Variants in FOXN2 observed in about 807,000 individuals in gnomAD.
FOXN2 encodes forkhead box protein N2.
In FOXN2, 19 loss-of-function variants were observed where a neutral mutation model predicts 41.2. That is an observed-to-expected ratio of 0.46 (90% CI 0.32 to 0.68). The LOEUF is 0.68. Ranked by LOEUF, FOXN2 falls within the 30% of genes least tolerant of loss-of-function variation. FOXN2 has a pLI of 0.03. For missense variants in FOXN2, 587 were observed against 509.4 expected (o/e 1.15, Z -1.47); for synonymous variants, 195 against 176.8 (o/e 1.10, Z -0.82).
rs1034841924 is a variant in FOXN2, at chr2:48,314,823, C to G, written c.-157+9C>G. 1 of 152,098 alleles carries G rather than the reference C, an allele frequency of 6.6e-6. No individual in the cohort carries two copies. 9.4% of individuals were successfully genotyped at this position (152,098 alleles called of 1,614,324 possible). ...TCCCGGCCGAGCTGACGGTGAGTCCCGGGCGGAGCGGTCCCCTCCAGGGTC... is the reference window on the plus strand; with the variant it reads ...TCCCGGCCGAGCTGACGGTGAGTCCGGGGCGGAGCGGTCCCCTCCAGGGTC... On this transcript the variant is annotated intron_variant, in intron 1 of 6. Coordinates refer to ENST00000340553, the MANE Select transcript of FOXN2 (RefSeq NM_002158.4).
At chr2:48,342,439 A>G (rs867867743) in intron 2 of FOXN2, among the ~76,000 whole-genome samples, 2 of 152,170 alleles carry the variant, frequency 1.3e-5, no homozygotes, top group Admixed American at 6.5e-5. Flanking sequence ...CACAAAAGTG[A>G]CACATTTGGA....
At chr2:48,362,790 C>T (rs566934397) in intron 5 of FOXN2, 83 bp downstream of exon 5, 2 of 1,158,786 alleles carry the variant, frequency 1.7e-6, no homozygotes, top group Non-Finnish European at 2.5e-6. Flanking sequence ...TGGTGGTCCC[C>T]TAAGATTATA....
chr2:48,353,659 C>CT (rs1197744278), intron 3 of FOXN2, among the ~76,000 whole-genome samples: 12 of 150,378 alleles, frequency 8.0e-5, no homozygotes, highest in Middle Eastern at 6.9e-3. Context: ...AGCTCAGCAT[C>CT]TTTTTTCATC....
rs1673413668 is a variant in FOXN2 at position 48,378,963 on chromosome 2, T to C, written c.*3520T>C. 1 of 152,626 alleles carries C rather than the reference T, an allele frequency of 6.6e-6. No individual in the cohort carries two copies. Among genetic ancestry groups the C allele is most frequent in the Non-Finnish European group, 1.5e-5 (1 of 68,014 alleles). 9.5% of individuals were successfully genotyped at this position (152,626 alleles called of 1,614,324 possible). A position where few individuals can be genotyped will look rare whatever the true frequency, so the allele number is the denominator to read the frequency against. On this transcript the variant is annotated 3_prime_UTR_variant, in exon 7 of 7. Transcript: ENST00000340553. Reference sequence around the variant, plus strand: ...TCATATAGTGTATAAAAATGTATAATTGCCAATTGATTGTAACTATTATTT... The same window carrying C: ...TCATATAGTGTATAAAAATGTATAACTGCCAATTGATTGTAACTATTATTT...
Position 48,378,014 on chromosome 2 carries a change from T to G in FOXN2, c.*2571T>G, listed in dbSNP as rs994795050. 6.6e-5 allele frequency: 10 copies of G among 152,180 alleles called. No individual in the cohort carries two copies. Among genetic ancestry groups the G allele is most frequent in the Non-Finnish European group, 1.2e-4 (8 of 67,908 alleles). The allele number at this position is 152,180 out of a possible 1,614,324, so 9.4% of individuals were successfully genotyped here. A position where few individuals can be genotyped will look rare whatever the true frequency, so the allele number is the denominator to read the frequency against. On this transcript the variant is annotated 3_prime_UTR_variant, in exon 7 of 7. Coordinates refer to ENST00000340553, the MANE Select transcript of FOXN2 (RefSeq NM_002158.4). ...AGGAGGTTACATGTTTTCCAACATA[T>G]CCTAAAAACTGTGATATAAGCTAAC...
intron 4 of FOXN2, among the ~76,000 whole-genome samples, chr2:48,360,958 G>A (rs1466810660): frequency 6.7e-6 from 1 of 150,224 alleles, no homozygotes; most frequent in East Asian, 2.0e-4. Context: ...ATGTTGCAAT[G>A]AGCCAAGATG....
rs1673415443 is a variant in FOXN2 at position 48,378,982 on chromosome 2, ATTAT to A, written c.*3546_*3549del. On this transcript the variant is annotated 3_prime_UTR_variant, in exon 7 of 7. Transcript: ENST00000340553. Reference sequence around the variant, plus strand: ...GTATAATTGCCAATTGATTGTAACTATTATTTATTTTTAAATGAAAGTGTAAGAA... The same window carrying A: ...GTATAATTGCCAATTGATTGTAACTATTATTTTTAAATGAAAGTGTAAGAA... 1 of 152,668 alleles carries A rather than the reference ATTAT, an allele frequency of 6.6e-6. No individual in the cohort carries two copies. The highest frequency in any genetic ancestry group is 2.1e-4 in the South Asian group (1 of 4,826). 9.5% of individuals were successfully genotyped at this position (152,668 alleles called of 1,614,324 possible).
Position 48,377,905 on chromosome 2 carries a change from A to T in FOXN2, c.*2462A>T, listed in dbSNP as rs1381602081. The T allele has an allele frequency of 6.6e-6, 1 of 152,094 alleles. No individual in the cohort carries two copies. The highest frequency in any genetic ancestry group is 2.4e-5 in the African/African-American group (1 of 41,458). The allele number at this position is 152,094 out of a possible 1,614,324, so 9.4% of individuals were successfully genotyped here. ...GACTAATAACCACACAATTAAGTAG[A>T]GTCATTCCAAGTCCTATGGCCTGGA... is the stretch of plus-strand genomic sequence containing the variant. On this transcript the variant is annotated 3_prime_UTR_variant, in exon 7 of 7. Coordinates refer to ENST00000340553, the MANE Select transcript of FOXN2 (RefSeq NM_002158.4).
chr2:48,339,515 C>T (rs1225607018), intron 2 of FOXN2, among the ~76,000 whole-genome samples: 1 of 152,218 alleles, frequency 6.6e-6, no homozygotes, highest in African/African-American at 2.4e-5. Context: ...CCATGCAAAA[C>T]TATGAGCCAA....
Position 48,375,111 on chromosome 2 carries a change from T to C in FOXN2, c.964T>C (p.Ser322Pro). ...QRCASRSSVS[S>P]LSSVDEVYEF... ...TTGTGCATCCAGGTCTAGCGTGTCTTCCCTGTCTTCTGTGGATGAGGTATA... is the reference window on the plus strand; with the variant it reads ...TTGTGCATCCAGGTCTAGCGTGTCTCCCCTGTCTTCTGTGGATGAGGTATA... Residue 322 changes from serine (S) to proline (P), a missense_variant, in exon 7 of 7, where the codon TCC becomes CCC. By Grantham distance (74) the Ser-to-Pro change is moderately conservative (BLOSUM62 -1). Transcript: ENST00000340553. 1 of 1,614,052 alleles carries C rather than the reference T, an allele frequency of 6.2e-7. No homozygotes were observed. The highest frequency in any genetic ancestry group is 8.5e-7 in the Non-Finnish European group (1 of 1,179,966).
intron 3 of FOXN2, among the ~76,000 whole-genome samples, chr2:48,355,282 A>G (rs948442499): frequency 6.6e-6 from 1 of 152,200 alleles, no homozygotes; most frequent in African/African-American, 2.4e-5. Context: ...AAATTAAGGA[A>G]GTGAGAGCTA....
chr2:48,359,622 C>CTTTTT (rs57182555), intron 4 of FOXN2, among the ~76,000 whole-genome samples: 19,960 of 149,962 alleles, frequency 0.13, 1,581 homozygotes, highest in East Asian at 0.44. Context: ...CTTTTCTTTT[C>CTTTTT]TTTTTTTAAG....
Position 48,375,344 on chromosome 2 carries a change from G to A in FOXN2, c.1197G>A (p.Glu399=). 2 of 1,613,736 alleles carry A rather than the reference G, an allele frequency of 1.2e-6. No homozygotes were observed. Among genetic ancestry groups the A allele is most frequent in the South Asian group, 2.2e-5 (2 of 91,054 alleles). The change falls in exon 7 of 7, where the codon GAG becomes GAA. Residue 399 remains glutamate, a synonymous_variant. Transcript: ENST00000340553. ...AAGAAATTGATGAGGAGCTCAAAGA[G>A]GCAGCTGGATCTCTGCTCCACCTTG... The part of the protein sequence containing the change: ...TCQEIDEELK[E]AAGSLLHLAG...
chr2:48,323,610 T>G (rs537019052), intron 1 of FOXN2, among the ~76,000 whole-genome samples: 1 of 152,320 alleles, frequency 6.6e-6, no homozygotes, highest in South Asian at 2.1e-4. Flanking sequence ...TTGAGTGCCT[T>G]GTAGGTTCTG....
chr2:48,333,046 A>G (rs1191616389), intron 2 of FOXN2, among the ~76,000 whole-genome samples: 2 of 152,178 alleles, frequency 1.3e-5, no homozygotes, highest in East Asian at 1.9e-4. Flanking sequence ...AACTTCAAAT[A>G]TATTGCCTCC....
At chr2:48,344,560 A>G (rs972392795) in intron 2 of FOXN2, among the ~76,000 whole-genome samples, 1 of 152,168 alleles carries the variant, frequency 6.6e-6, no homozygotes, top group Non-Finnish European at 1.5e-5. Context: ...TGCCTACCTT[A>G]TAGGGTTTAA....
At chr2:48,358,582 G>A (rs1355781017) in intron 3 of FOXN2, among the ~76,000 whole-genome samples, 1 of 152,076 alleles carries the variant, frequency 6.6e-6, no homozygotes, top group Non-Finnish European at 1.5e-5. Context: ...TAGACTAGTA[G>A]TACCTTGAAA....
chr2:48,332,140 C>G (rs952792132), intron 2 of FOXN2, among the ~76,000 whole-genome samples: 23 of 151,996 alleles, frequency 1.5e-4, no homozygotes, highest in African/African-American at 5.3e-4. Flanking sequence ...TTCATGATGC[C>G]ATTACATTTG....
At chr2:48,361,031 T>G (rs147249252) in intron 4 of FOXN2, among the ~76,000 whole-genome samples, 1 of 151,232 alleles carries the variant, frequency 6.6e-6, no homozygotes, top group African/African-American at 2.4e-5. Context: ...AAAAAAAGAT[T>G]ATATGAAAGA....
Sources: gnomAD v4.1 joint callset for allele counts (sites outside exome capture counted in the v4.1 genomes callset) on GRCh38, gnomAD v4.1.1 for gene constraint, MANE v1.5 for transcripts, NCBI Gene and HGNC (gene_info 2026-07-23, HGNC 2026-07-21) for gene names.